TUBG1: variants seen among roughly 807,000 people sequenced by gnomAD.
TUBG1 encodes tubulin gamma 1.
Under a neutral mutation model 53.3 loss-of-function variants are expected in TUBG1, and 22 were observed. The observed-to-expected ratio is 0.41, with a 90% CI of 0.29 to 0.59. TUBG1 has a LOEUF of 0.59. Ranked by LOEUF, TUBG1 falls within the 20% of genes least tolerant of loss-of-function variation. The pLI, the probability that TUBG1 is intolerant of heterozygous loss-of-function variation, is 0.26. For synonymous variants in TUBG1, 198 were observed against 236.7 expected (o/e 0.84, Z 1.50); for missense variants, 217 against 598.9 (o/e 0.36, Z 6.66).
chr17:42,612,194 G>T (rs1189679821), intron 4 of TUBG1, 51 bp downstream of exon 4: 1 of 1,591,386 alleles, frequency 6.3e-7, no homozygotes, highest in Non-Finnish European at 8.6e-7. Context: ...AGGCTTGGCA[G>T]CACCCTCTAG....
At chr17:42,611,950 A>G in intron 3 of TUBG1, 125 bp from the exon 4 acceptor site, 1 of 779,150 alleles carries the variant, frequency 1.3e-6, no homozygotes, top group Non-Finnish European at 2.2e-6. Flanking sequence ...ATGTAGATAA[A>G]AGCAGGTAGC....
chr17:42,613,081 C>T lies in TUBG1; in HGVS notation c.606+8C>T. 6.2e-7 allele frequency: 1 copy of T among 1,613,608 alleles called. No homozygotes were observed. Among genetic ancestry groups the T allele is most frequent in the Non-Finnish European group, 8.5e-7 (1 of 1,179,748 alleles). Reference sequence around the variant, plus strand: ...CAGAATGCAGACTGTGTGGTGAGTCCTGGATTCTACCTCTCCCAACTCTCA... The same window carrying T: ...CAGAATGCAGACTGTGTGGTGAGTCTTGGATTCTACCTCTCCCAACTCTCA... On this transcript the variant is annotated splice_region_variant and intron_variant, in intron 6 of 10. Transcript: ENST00000251413.
chr17:42,613,215 C>T, intron 6 of TUBG1, 142 bp downstream of exon 6: 1 of 1,351,900 alleles, frequency 7.4e-7, no homozygotes, highest in South Asian at 1.4e-5. Flanking sequence ...TTTGGGAGGC[C>T]AAGGTCGTTG....
intron 3 of TUBG1, 35 bp from the exon 4 acceptor site, chr17:42,612,038 TTC>T: frequency 6.2e-7 from 1 of 1,607,768 alleles, no homozygotes; most frequent in Non-Finnish European, 8.5e-7. Flanking sequence ...CCTCCCATGG[TTC>T]TGTCCCACTC....
chr17:42,614,143 G>A lies in TUBG1; in HGVS notation c.844-117G>A, dbSNP rs1228790145. 1.4e-5 allele frequency: 22 copies of A among 1,587,412 alleles called. No individual in the cohort carries two copies. Among genetic ancestry groups the A allele is most frequent in the African/African-American group, 4.0e-5 (3 of 74,296 alleles). The stretch of plus-strand genomic sequence containing the variant: ...GCTCAGGGACTGGCACAGAGTGGGC[G>A]ACTTTCTTGCTGACTTGCTCTCCAC... On this transcript the variant is annotated intron_variant, in intron 8 of 10. Transcript: ENST00000251413. The surrounding 1 kb of genome is among the most constrained non-coding windows in gnomAD (Gnocchi z 5.1).
chr17:42,612,138 C>T lies in TUBG1; in HGVS notation c.394C>T (p.Leu132=). The T allele has an allele frequency of 6.2e-7, 1 of 1,614,060 alleles. No individual in the cohort carries two copies. Among genetic ancestry groups the T allele is most frequent in the Non-Finnish European group, 8.5e-7 (1 of 1,179,990 alleles). ...CCGGGAGGCAGATGGTAGTGACAGT[C>T]TAGAGGTAAGTGTCCCAGGAATGCT... ...IDREADGSDS[L]EGFVLCHSIA... The change falls in exon 4 of 11, where the codon CTA becomes TTA. Residue 132 remains leucine, a synonymous_variant. Transcript: ENST00000251413.
At chr17:42,610,662 G>A (rs1173360147) in intron 3 of TUBG1, 72 bp downstream of exon 3, 2 of 1,601,672 alleles carry the variant, frequency 1.2e-6, no homozygotes, top group Non-Finnish European at 1.7e-6. Context: ...CCCGAAGAGA[G>A]GGAAAACCGG....
At chr17:42,610,086 C>T (rs1269536679) in intron 1 of TUBG1, 22 bp from the exon 2 acceptor site, 9 of 1,613,750 alleles carry the variant, frequency 5.6e-6, no homozygotes, top group East Asian at 2.2e-5. Context: ...TTCTTTCTCC[C>T]CTGCCCGCCC....
intron 1 of TUBG1, 101 bp from the exon 2 acceptor site, chr17:42,610,007 C>A: frequency 5.6e-6 from 8 of 1,436,532 alleles, no homozygotes; most frequent in Non-Finnish European, 7.6e-6. Flanking sequence ...TGCGGCTTGA[C>A]TTCTTATCCC....
At chr17:42,610,901 A>G (rs2052026721) in intron 3 of TUBG1, 3 of 315,494 alleles carry the variant, frequency 9.5e-6, no homozygotes, top group Non-Finnish European at 1.7e-5. Context: ...AGGACATTTC[A>G]TAACTAGTTT....
chr17:42,612,511 G>A lies in TUBG1; in HGVS notation c.479+5G>A. On this transcript the variant is annotated splice_donor_5th_base_variant and intron_variant, in intron 5 of 10. Transcript: ENST00000251413. Reference sequence around the variant, plus strand: ...CTTAGAACGGCTGAATGACAGGTAAGTTTGTGTTTGGGGATTAGGAAAGGT... The same window carrying A: ...CTTAGAACGGCTGAATGACAGGTAAATTTGTGTTTGGGGATTAGGAAAGGT... 6.2e-7 allele frequency: 1 copy of A among 1,614,084 alleles called. No homozygotes were observed. Among genetic ancestry groups the A allele is most frequent in the Middle Eastern group, 1.6e-4 (1 of 6,062 alleles).
chr17:42,613,214 C>T, intron 6 of TUBG1, 141 bp downstream of exon 6: 1 of 1,348,488 alleles, frequency 7.4e-7, no homozygotes, highest in East Asian at 2.4e-5. Context: ...CTTTGGGAGG[C>T]CAAGGTCGTT....
chr17:42,613,769 G>A, intron 7 of TUBG1, 36 bp downstream of exon 7: 1 of 1,614,122 alleles, frequency 6.2e-7, no homozygotes, highest in South Asian at 1.1e-5. Flanking sequence ...TGGACTTGAA[G>A]CCCTCCTTGT....
intron 2 of TUBG1, 57 bp downstream of exon 2, chr17:42,610,277 G>A: frequency 6.2e-7 from 1 of 1,612,120 alleles, no homozygotes; most frequent in Non-Finnish European, 8.5e-7. Context: ...GAAGGGAAGG[G>A]AGTGGCCTGG....
At position 42,612,966 on chromosome 17, in the gene TUBG1, C is replaced by T; in HGVS notation, c.499C>T (p.Gln167Ter). 1 of 1,614,054 alleles carries T rather than the reference C, an allele frequency of 6.2e-7. No individual in the cohort carries two copies. The highest frequency in any genetic ancestry group is 1.1e-5 in the South Asian group (1 of 91,074). The change falls in exon 6 of 11, where the codon CAG becomes TAG. Residue 167 changes from glutamine (Q) to a stop codon, truncating the protein, a stop_gained. Coordinates refer to ENST00000251413, the MANE Select transcript of TUBG1 (RefSeq NM_001070.5). LOFTEE classifies it high-confidence loss of function. ...LNDRYPKKLV[Q>*]TYSVFPNQDE... ...CACCAGGTATCCTAAGAAGCTGGTG[C>T]AGACATACTCAGTGTTTCCCAACCA...
At position 42,613,070 on chromosome 17, in the gene TUBG1, T is replaced by C; in HGVS notation, c.603T>C (p.Cys201=). 1 of 1,614,042 alleles carries C rather than the reference T, an allele frequency of 6.2e-7. No homozygotes were observed. Among genetic ancestry groups the C allele is most frequent in the Non-Finnish European group, 8.5e-7 (1 of 1,179,954 alleles). ...AGAGGCTGACGCAGAATGCAGACTGTGTGGTGAGTCCTGGATTCTACCTCT... is the reference window on the plus strand; with the variant it reads ...AGAGGCTGACGCAGAATGCAGACTGCGTGGTGAGTCCTGGATTCTACCTCT... ...TLKRLTQNAD[C]VVVLDNTALN... is the part of the protein sequence containing the mutation. Residue 201 remains cysteine (C), a synonymous_variant, in exon 6 of 11, where the codon TGT becomes TGC. Transcript: ENST00000251413.
chr17:42,612,593 C>A, intron 5 of TUBG1, 87 bp downstream of exon 5: 2 of 1,290,594 alleles, frequency 1.5e-6, no homozygotes, highest in Non-Finnish European at 2.2e-6. Context: ...TCCATATTTG[C>A]TGGAACAGGA....
In TUBG1 at chr17:42,614,048, G is replaced by A; in HGVS notation, c.843+50G>A. 1 of 1,613,322 alleles carries A rather than the reference G, an allele frequency of 6.2e-7. No individual in the cohort carries two copies. The highest frequency in any genetic ancestry group is 1.1e-5 in the South Asian group (1 of 90,976). ...GGCCAGGCCGGCCCTGGGCCCAACA[G>A]GCCCTGTCCTAGCCTTTCTCTCTTC... On this transcript the variant is annotated intron_variant, in intron 8 of 10. Coordinates refer to ENST00000251413, the MANE Select transcript of TUBG1 (RefSeq NM_001070.5). The surrounding 1 kb of genome is among the most constrained non-coding windows in gnomAD (Gnocchi z 5.1).
chr17:42,613,010 G>A lies in TUBG1; in HGVS notation c.543G>A (p.Val181=). The A allele has an allele frequency of 6.2e-7, 1 of 1,614,116 alleles. No homozygotes were observed. The highest frequency in any genetic ancestry group is 1.1e-5 in the South Asian group (1 of 91,086). The change falls in exon 6 of 11, where the codon GTG becomes GTA. Residue 181 remains valine, a synonymous_variant. Coordinates refer to ENST00000251413, the MANE Select transcript of TUBG1 (RefSeq NM_001070.5). ...VFPNQDEMSD[V]VVQPYNSLLT... is the part of the protein sequence containing the mutation. ...CCAACCAGGACGAGATGAGCGATGT[G>A]GTGGTCCAGCCTTACAATTCACTCC...
Sources: allele counts gnomAD v4.1 joint callset, GRCh38; gene constraint gnomAD v4.1.1; non-coding constraint Gnocchi (gnomAD v3.1); transcripts MANE v1.5; gene names NCBI Gene and HGNC (gene_info 2026-07-23, HGNC 2026-07-21).